The following DAB1 variants were observed in gnomAD, a reference collection of about 807,000 sequenced individuals.
The protein encoded by DAB1 is disabled homolog 1.
In DAB1, 15 loss-of-function variants were observed where a neutral mutation model predicts 64.6. The observed-to-expected ratio is 0.23, with a 90% CI of 0.16 to 0.36. The LOEUF is 0.36. Among genes scored for constraint, DAB1 ranks in the 10% least tolerant of loss-of-function variants. The pLI is 1.00. For synonymous variants in DAB1, 235 were observed against 251.9 expected (o/e 0.93, Z 0.64); for missense variants, 596 against 706.7 (o/e 0.84, Z 1.78).
chr1:57,515,778 CAGA>C (rs1178538186), intron 7 of DAB1, among the ~76,000 whole-genome samples: 3 of 152,224 alleles, frequency 2.0e-5, no homozygotes, highest in African/African-American at 7.2e-5. Context: ...ACCAAGGATA[CAGA>C]CATGATAAGG....
chr1:57,633,713 G>T (rs72910509), intron 7 of DAB1, among the ~76,000 whole-genome samples: 2,551 of 152,234 alleles, frequency 0.017, 74 homozygotes, highest in African/African-American at 0.059. Flanking sequence ...ACCAATGAAA[G>T]TCTGAAAAAT....
At chr1:57,468,386 A>T (rs965048211) in intron 7 of DAB1, among the ~76,000 whole-genome samples, 2 of 152,220 alleles carry the variant, frequency 1.3e-5, no homozygotes, top group Non-Finnish European at 2.9e-5. Flanking sequence ...TTGGAGTCAG[A>T]CTACAGAAAA....
chr1:58,134,217 C>G (rs1338249023), intron 5 of DAB1, among the ~76,000 whole-genome samples: 1 of 152,174 alleles, frequency 6.6e-6, no homozygotes, highest in Admixed American at 6.5e-5. Context: ...GATTTGGCAT[C>G]TGGTGAAGGC....
chr1:58,035,474 T>C (rs1417601460), intron 5 of DAB1, among the ~76,000 whole-genome samples: 2 of 152,204 alleles, frequency 1.3e-5, no homozygotes, highest in African/African-American at 2.4e-5. Context: ...TTACAATCCT[T>C]ACAACACCAA....
At chr1:57,555,094 G>T (rs540366046) in intron 7 of DAB1, among the ~76,000 whole-genome samples, 131 of 126,254 alleles carry the variant, frequency 1.0e-3, no homozygotes, top group Middle Eastern at 6.4e-3. Context: ...GAGTGCAGCG[G>T]CACTATCTCG....
At chr1:57,090,643 C>T (rs572472867) in intron 4 of DAB1, among the ~76,000 whole-genome samples, 1 of 152,316 alleles carries the variant, frequency 6.6e-6, no homozygotes, top group South Asian at 2.1e-4. Flanking sequence ...GAATACAAAA[C>T]TCCCAGGGCT....
At chr1:57,475,008 T>A (rs549252425) in intron 7 of DAB1, among the ~76,000 whole-genome samples, 1 of 152,216 alleles carries the variant, frequency 6.6e-6, no homozygotes, top group East Asian at 1.9e-4. Context: ...ACCTGTAATC[T>A]TAACACTTTG....
At chr1:57,542,199 T>C (rs1210419774) in intron 7 of DAB1, among the ~76,000 whole-genome samples, 1 of 152,102 alleles carries the variant, frequency 6.6e-6, no homozygotes, top group East Asian at 1.9e-4. Flanking sequence ...CTTTTATTCA[T>C]AAGTGTTGTT....
intron 7 of DAB1, among the ~76,000 whole-genome samples, chr1:57,509,688 C>T (rs1159839581): frequency 6.6e-6 from 1 of 152,264 alleles, no homozygotes; most frequent in Admixed American, 6.5e-5. Flanking sequence ...TGCCTTTCCT[C>T]CTGCTCCCAT....
intron 6 of DAB1, among the ~76,000 whole-genome samples, chr1:57,701,347 A>G (rs1289106206): frequency 6.6e-6 from 1 of 152,240 alleles, no homozygotes; most frequent in Non-Finnish European, 1.5e-5. Context: ...AATGTGGCAC[A>G]TATACAGCAT....
intron 3 of DAB1, among the ~76,000 whole-genome samples, chr1:58,490,697 G>C (rs1273516876): frequency 6.6e-6 from 1 of 151,336 alleles, no homozygotes; most frequent in Non-Finnish European, 1.5e-5. Flanking sequence ...AGAGAGAAAG[G>C]TCGGGTTACC....
intron 7 of DAB1, among the ~76,000 whole-genome samples, chr1:57,512,659 T>C (rs545068290): frequency 1.3e-5 from 2 of 152,358 alleles, no homozygotes; most frequent in Admixed American, 1.3e-4. Flanking sequence ...GGCCTACATC[T>C]TGGAAACTGT....
At chr1:58,041,135 A>G (rs969391538) in intron 5 of DAB1, among the ~76,000 whole-genome samples, 2 of 152,210 alleles carry the variant, frequency 1.3e-5, no homozygotes, top group African/African-American at 4.8e-5. Context: ...AGTTAGTTCC[A>G]GTGTCTCCTC....
chr1:58,364,925 C>A (rs1189880690), intron 3 of DAB1, among the ~76,000 whole-genome samples: 1 of 152,178 alleles, frequency 6.6e-6, no homozygotes, highest in Admixed American at 6.5e-5. Context: ...GAGTCCAAAT[C>A]ATTTGTCCTT....
chr1:58,536,853 G>A (rs6587829), intron 1 of DAB1: 78,824 of 661,358 alleles, frequency 0.12, 5,024 homozygotes, highest in African/African-American at 0.19. Flanking sequence ...TTTGTATGAT[G>A]TATTTCGCTG....
At chr1:58,394,882 T>C (rs1644505845) in intron 3 of DAB1, among the ~76,000 whole-genome samples, 1 of 152,056 alleles carries the variant, frequency 6.6e-6, no homozygotes. Flanking sequence ...ATAAAATTGG[T>C]GAATTTTATT....
At chr1:58,296,222 A>T (rs988927868) in intron 4 of DAB1, among the ~76,000 whole-genome samples, 9 of 150,850 alleles carry the variant, frequency 6.0e-5, no homozygotes, top group African/African-American at 2.2e-4. Context: ...AGAAAGAAAG[A>T]AAGAAAGAAA....
At chr1:57,430,485 C>T (rs1395513624) in intron 7 of DAB1, among the ~76,000 whole-genome samples, 1 of 151,658 alleles carries the variant, frequency 6.6e-6, no homozygotes, top group South Asian at 2.1e-4. Flanking sequence ...ACGCCATTCT[C>T]CTGCCTCAGC....
intron 3 of DAB1, among the ~76,000 whole-genome samples, chr1:58,422,968 T>C (rs990027815): frequency 6.6e-6 from 1 of 152,068 alleles, no homozygotes; most frequent in South Asian, 2.1e-4. Flanking sequence ...GACTCTGAGA[T>C]AGGTAAGTTT....
Sources: gnomAD v4.1 joint callset for allele counts (sites outside exome capture counted in the v4.1 genomes callset) on GRCh38, gnomAD v4.1.1 for gene constraint, MANE v1.5 for transcripts, NCBI Gene and HGNC (gene_info 2026-07-23, HGNC 2026-07-21) for gene names.